PTPRT: variants seen among roughly 807,000 people sequenced by gnomAD.
PTPRT encodes receptor-type tyrosine-protein phosphatase T.
In PTPRT, 56 loss-of-function variants were observed where a neutral mutation model predicts 176.8. The ratio of observed to expected loss-of-function variants is 0.32; its 90% CI spans 0.26 to 0.40. PTPRT has a LOEUF of 0.40. PTPRT is among the 10% of genes least tolerant of loss of function. PTPRT has a pLI of 1.00. For missense variants in PTPRT, 1,540 were observed against 1,908.2 expected (o/e 0.81, Z 3.60); for synonymous variants, 783 against 739.0 (o/e 1.06, Z -0.96).
intron 1 of PTPRT, among the ~76,000 whole-genome samples, chr20:43,144,082 C>T (rs2014096511): frequency 6.6e-6 from 1 of 152,110 alleles, no homozygotes; most frequent in Non-Finnish European, 1.5e-5. Context: ...CCAGGCTGCC[C>T]TCGGCCCTTC....
At chr20:42,233,220 C>T (rs1218083751) in intron 15 of PTPRT, among the ~76,000 whole-genome samples, 1 of 152,172 alleles carries the variant, frequency 6.6e-6, no homozygotes, top group African/African-American at 2.4e-5. Context: ...CATCCACGTC[C>T]TACCTAGACT....
intron 9 of PTPRT, among the ~76,000 whole-genome samples, chr20:42,429,304 A>C (rs992169518): frequency 1.3e-5 from 2 of 152,158 alleles, no homozygotes; most frequent in Non-Finnish European, 2.9e-5. Flanking sequence ...GACTAAAGGC[A>C]CTATTTACAA....
rs542418086 is a variant in PTPRT, at chr20:42,996,841, G to A, written c.89-110909C>T. On this transcript the variant is annotated intron_variant, in intron 1 of 30. Transcript: ENST00000373187. Reference sequence around the variant, plus strand: ...GCTATATGTCTCAGCGTCACTATTTGTAAAATGGGAACAATAGTATCTACT... The same window carrying A: ...GCTATATGTCTCAGCGTCACTATTTATAAAATGGGAACAATAGTATCTACT... Among the ~76,000 whole-genome samples, 141 of 152,250 alleles carry A rather than the reference G, an allele frequency of 9.3e-4. 1 individual carries two copies. The highest frequency in any genetic ancestry group is 2.7e-3 in the Admixed American group (42 of 15,302).
chr20:42,980,413 T>C (rs1983208720), intron 1 of PTPRT, among the ~76,000 whole-genome samples: 1 of 152,260 alleles, frequency 6.6e-6, no homozygotes, highest in Non-Finnish European at 1.5e-5. Context: ...GACCCCTTCT[T>C]GCTCTGACAT....
intron 1 of PTPRT, among the ~76,000 whole-genome samples, chr20:42,890,290 T>G (rs2079170877): frequency 6.6e-6 from 1 of 152,194 alleles, no homozygotes; most frequent in Non-Finnish European, 1.5e-5. Context: ...TAGGCAACTT[T>G]TATGAGTTTT....
At chr20:42,226,093 T>G (rs774212636) in intron 15 of PTPRT, among the ~76,000 whole-genome samples, 2 of 152,244 alleles carry the variant, frequency 1.3e-5, no homozygotes, top group Non-Finnish European at 2.9e-5. Context: ...GCTCCTCTTT[T>G]CATGCACTTG....
In PTPRT at chr20:42,205,712, A is replaced by G. The variant is rs377563390; in HGVS notation, c.2343-6324T>C. ...TGATCAGGCACTCTTCCTCTTCCCC[A>G]TAGGGCTCCTCCTCTGGGCCATCCT... is the stretch of plus-strand genomic sequence containing the variant. On this transcript the variant is annotated intron_variant, in intron 15 of 30. Transcript: ENST00000373187. 2.4e-4 allele frequency among the ~76,000 whole-genome samples: 37 copies of G among 152,208 alleles called. No individual in the cohort carries two copies. In the East Asian group the frequency reaches 5.6e-3, roughly 23 times the overall value.
intron 1 of PTPRT, among the ~76,000 whole-genome samples, chr20:43,133,642 G>C (rs1470560670): frequency 6.6e-6 from 1 of 152,032 alleles, no homozygotes; most frequent in Middle Eastern, 3.2e-3. Context: ...CAGCTACCCG[G>C]GAGGCTGAGG....
At chr20:42,629,215 A>C (rs2074357154) in intron 7 of PTPRT, among the ~76,000 whole-genome samples, 1 of 151,912 alleles carries the variant, frequency 6.6e-6, no homozygotes, top group Non-Finnish European at 1.5e-5. Context: ...TGGTGAAGTA[A>C]TTATAGAGAC....
chr20:42,245,938 T>C (rs1008215091), intron 14 of PTPRT, among the ~76,000 whole-genome samples: 6 of 152,172 alleles, frequency 3.9e-5, no homozygotes, highest in African/African-American at 1.2e-4. Context: ...GTTGTAGCAG[T>C]GTTGGCCTCT....
chr20:42,812,501 A>G (rs183499334), intron 2 of PTPRT, among the ~76,000 whole-genome samples: 268 of 152,296 alleles, frequency 1.8e-3, no homozygotes, highest in African/African-American at 6.2e-3. Context: ...AATGAACAGT[A>G]ACAATTTTTG....
At chr20:42,088,385 C>T (rs138048138) in intron 27 of PTPRT, among the ~76,000 whole-genome samples, 3 of 152,314 alleles carry the variant, frequency 2.0e-5, no homozygotes, top group Non-Finnish European at 4.4e-5. Context: ...GCTTGCTCTC[C>T]ACTTCGTGGC....
chr20:42,671,841 T>C (rs1424477109), intron 7 of PTPRT, among the ~76,000 whole-genome samples: 1 of 152,176 alleles, frequency 6.6e-6, no homozygotes, highest in East Asian at 1.9e-4. Context: ...CAGAACAGCA[T>C]GAAGACACAG....
chr20:42,277,160 T>C (rs1337080922), intron 13 of PTPRT, among the ~76,000 whole-genome samples: 10 of 152,182 alleles, frequency 6.6e-5, no homozygotes, highest in Admixed American at 5.9e-4. Context: ...TGCTTCATTA[T>C]TCTGGAGTTC....
intron 1 of PTPRT, among the ~76,000 whole-genome samples, chr20:43,083,361 T>TAC (rs1568774305): frequency 8.2e-6 from 1 of 122,208 alleles, no homozygotes; most frequent in East Asian, 2.2e-4. Flanking sequence ...TATATATATA[T>TAC]ATATATATAC....
intron 1 of PTPRT, among the ~76,000 whole-genome samples, chr20:42,992,167 C>G (rs764650502): frequency 5.9e-5 from 9 of 152,160 alleles, no homozygotes; most frequent in African/African-American, 9.7e-5. Flanking sequence ...TCGCTATCCC[C>G]TACTGTAGAA....
intron 1 of PTPRT, among the ~76,000 whole-genome samples, chr20:43,113,555 TCACCTACATG>T (rs1216673960): frequency 2.0e-5 from 3 of 152,188 alleles, no homozygotes; most frequent in Admixed American, 2.0e-4. Flanking sequence ...GTATCCTGGG[TCACCTACATG>T]GCCAAGACAG....
In PTPRT at chr20:42,641,210, G is replaced by A. The variant is rs574414150; in HGVS notation, c.1153+36656C>T. Among the ~76,000 whole-genome samples, 3 of 152,242 alleles carry A rather than the reference G, an allele frequency of 2.0e-5. No homozygotes were observed. In the South Asian group the frequency reaches 6.2e-4, roughly 32 times the overall value. On this transcript the variant is annotated intron_variant, in intron 7 of 30. Transcript: ENST00000373187. ...TTGATTGCTGGTTTAAAGAGCATGA[G>A]CCATTTTTAAGACCTTTCATACACA...
At chr20:42,749,411 A>T (rs2076737941) in intron 6 of PTPRT, among the ~76,000 whole-genome samples, 2 of 152,050 alleles carry the variant, frequency 1.3e-5, no homozygotes, top group Admixed American at 1.3e-4. Context: ...GACTGCGCTC[A>T]TTGTTCCAAC....
Sources: gnomAD v4.1 joint callset for allele counts (sites outside exome capture counted in the v4.1 genomes callset) on GRCh38, gnomAD v4.1.1 for gene constraint, MANE v1.5 for transcripts, NCBI Gene and HGNC (gene_info 2026-07-23, HGNC 2026-07-21) for gene names.